TMEM37: variants seen among roughly 807,000 people sequenced by gnomAD.
The protein encoded by TMEM37 is transmembrane protein 37, also known as voltage-dependent calcium channel gamma-like subunit.
A neutral mutation model predicts 11.0 loss-of-function variants in TMEM37; 12 were observed. The observed-to-expected ratio is 1.09, with a 90% CI of 0.70 to 1.76. The LOEUF (loss-of-function observed/expected upper bound fraction) is 1.76. Ranked by LOEUF, TMEM37 falls within the 40% of genes most tolerant of loss-of-function variation. The probability of loss-of-function intolerance (pLI) is 0.00; values close to 1 mark genes in which losing one functional copy is unlikely to be tolerated. For synonymous variants in TMEM37, 127 were observed against 110.5 expected (o/e 1.15, Z -0.94); for missense variants, 203 against 251.2 (o/e 0.81, Z 1.30).
At chr2:119,431,381 G>C (rs1212828179), upstream of TMEM37, among the ~76,000 whole-genome samples, 4 of 152,168 alleles carry the variant, frequency 2.6e-5, no homozygotes, top group African/African-American at 4.8e-5. Context: ...CTTACTAACC[G>C]AGGCTCCGAG....
Position 119,437,466 on chromosome 2 carries a change from G to C in TMEM37, c.*26G>C, listed in dbSNP as rs1682525626. 1.3e-6 allele frequency: 2 copies of C among 1,592,832 alleles called. No individual in the cohort carries two copies. The highest frequency in any genetic ancestry group is 1.7e-6 in the Non-Finnish European group (2 of 1,169,548). On this transcript the variant is annotated 3_prime_UTR_variant, in exon 2 of 2. Transcript: ENST00000306406. ...CCGTGGAAATTTTAGGCCCCCTCCA[G>C]GGACATCAGATTCCACAAGAAAATA...
intron 1 of TMEM37, 110 bp from the exon 2 acceptor site, chr2:119,436,779 G>C (rs1682503578): frequency 1.1e-6 from 1 of 900,306 alleles, no homozygotes. Flanking sequence ...ACCAAGCAGA[G>C]AATAAGACAG....
upstream of TMEM37, among the ~76,000 whole-genome samples, chr2:119,430,716 C>T (rs1003725069): frequency 2.0e-5 from 3 of 152,178 alleles, no homozygotes; most frequent in African/African-American, 7.2e-5. Flanking sequence ...TAGTGAGGGG[C>T]CTTGTTTTAC....
rs187315814 is a variant in TMEM37 at position 119,436,946 on chromosome 2, C to T, written c.79C>T (p.Arg27Trp). ...CCGGTCCTTCTTTGAATCCTTCATCCGGACCCTCATCATCACGTGTGTGGC... is the reference window on the plus strand; with the variant it reads ...CCGGTCCTTCTTTGAATCCTTCATCTGGACCCTCATCATCACGTGTGTGGC... ...PRRSFFESFIRTLIITCVALA... is the reference protein window; with the variant it reads ...PRRSFFESFIWTLIITCVALA... The change falls in exon 2 of 2, where the codon CGG becomes TGG. Residue 27 changes from arginine to tryptophan, a missense_variant. Transcript: ENST00000306406. The T allele has an allele frequency of 1.4e-5, 23 of 1,614,202 alleles. No individual in the cohort carries two copies. Among genetic ancestry groups the T allele is most frequent in the South Asian group, 2.2e-5 (2 of 91,082 alleles).
intron 1 of TMEM37, among the ~76,000 whole-genome samples, chr2:119,434,379 C>T (rs72833255): frequency 0.018 from 2,667 of 152,152 alleles, 27 homozygotes; most frequent in South Asian, 0.054. Flanking sequence ...AGAAACTGCC[C>T]AAGGACAAAC....
At position 119,437,720 on chromosome 2, in the gene TMEM37, A is replaced by C; in HGVS notation, c.*280A>C. 6.6e-6 allele frequency: 3 copies of C among 456,070 alleles called. No homozygotes were observed. The highest frequency in any genetic ancestry group is 3.4e-5 in the South Asian group (1 of 29,708). The allele number at this position is 456,070 out of a possible 1,614,324, so 28.3% of individuals were successfully genotyped here. A position where few individuals can be genotyped will look rare whatever the true frequency, so the allele number is the denominator to read the frequency against. ...TAGAGGAAGAAAAAAACATTTTAAAACTCCTTCTTGAATTTTCTTCCCTGG... is the reference window on the plus strand; with the variant it reads ...TAGAGGAAGAAAAAAACATTTTAAACCTCCTTCTTGAATTTTCTTCCCTGG... On this transcript the variant is annotated 3_prime_UTR_variant, in exon 2 of 2. Coordinates refer to ENST00000306406, the MANE Select transcript of TMEM37 (RefSeq NM_183240.3).
At chr2:119,435,920 T>C (rs1682486585) in intron 1 of TMEM37, among the ~76,000 whole-genome samples, 1 of 152,056 alleles carries the variant, frequency 6.6e-6, no homozygotes, top group Non-Finnish European at 1.5e-5. Context: ...CACTACAGGC[T>C]TAAGGGCCAG....
chr2:119,430,186 A>T (rs1573760408), upstream of TMEM37: 1 of 642,484 alleles, frequency 1.6e-6, no homozygotes, highest in East Asian at 2.8e-5. Flanking sequence ...AAGGCCCCAG[A>T]GCAGAGAGGC....
At chr2:119,436,516 G>A (rs895689522) in intron 1 of TMEM37, among the ~76,000 whole-genome samples, 1 of 152,094 alleles carries the variant, frequency 6.6e-6, no homozygotes, top group Admixed American at 6.5e-5. Flanking sequence ...CTTGTTTTAT[G>A]TACAAAGAAA....
intron 1 of TMEM37, among the ~76,000 whole-genome samples, chr2:119,434,985 T>G (rs996815397): frequency 6.6e-6 from 1 of 152,198 alleles, no homozygotes; most frequent in Non-Finnish European, 1.5e-5. Flanking sequence ...GGATTCCACC[T>G]CCTGCATATC....
At chr2:119,430,059 C>T (rs1465893064), upstream of TMEM37, 14 of 1,218,482 alleles carry the variant, frequency 1.1e-5, no homozygotes, top group Admixed American at 1.2e-4. Context: ...AGGATACCCC[C>T]GCAACAGGAC....
In TMEM37 at chr2:119,437,024, G is replaced by A. The variant is rs140157408; in HGVS notation, c.157G>A (p.Ala53Thr). Residue 53 changes from alanine to threonine, a missense_variant, in exon 2 of 2, where the codon GCT (alanine) becomes ACT (threonine). Coordinates refer to ENST00000306406, the MANE Select transcript of TMEM37 (RefSeq NM_183240.3). ...CATTTGTGATGGGCACTGGCTCCTGGCTGAGGACCGCCTCTTCGGGCTCTG... is the reference window on the plus strand; with the variant it reads ...CATTTGTGATGGGCACTGGCTCCTGACTGAGGACCGCCTCTTCGGGCTCTG... ...VSICDGHWLL[A>T]EDRLFGLWHF... 6.2e-7 allele frequency: 1 copy of A among 1,614,146 alleles called. No homozygotes were observed. Among genetic ancestry groups the A allele is most frequent in the Non-Finnish European group, 8.5e-7 (1 of 1,180,064 alleles).
chr2:119,437,272 C>T lies in TMEM37; in HGVS notation c.405C>T (p.Phe135=), dbSNP rs1015191137. 9 of 1,614,244 alleles carry T rather than the reference C, an allele frequency of 5.6e-6. No individual in the cohort carries two copies. Among genetic ancestry groups the T allele is most frequent in the South Asian group, 3.3e-5 (3 of 91,082 alleles). The part of the protein sequence containing the change: ...VMGSILLLVS[F]VLSSGGLLGF... ...GTTCCATCCTCCTCCTGGTGTCTTT[C>T]GTCCTCTCCTCCGGCGGGCTCCTGG... The change falls in exon 2 of 2, where the codon TTC becomes TTT. Residue 135 remains phenylalanine (F), a synonymous_variant. Transcript: ENST00000306406.
At chr2:119,431,658 G>C (rs1033509135), upstream of TMEM37, among the ~76,000 whole-genome samples, 2 of 152,228 alleles carry the variant, frequency 1.3e-5, no homozygotes, top group Non-Finnish European at 2.9e-5. Flanking sequence ...CAAGTGCCGG[G>C]TCCTCCCCGC....
At chr2:119,430,064 C>G (rs371340679), upstream of TMEM37, 65 of 1,173,722 alleles carry the variant, frequency 5.5e-5, no homozygotes, top group East Asian at 1.3e-4. Flanking sequence ...ACCCCCGCAA[C>G]AGGACAGGTC....
rs72833259 is a variant in TMEM37, at chr2:119,437,104, C to G, written c.237C>G (p.Ala79=). 42,073 of 1,614,070 alleles carry G rather than the reference C, an allele frequency of 0.026. 742 individuals are homozygous for G. Among genetic ancestry groups the G allele is most frequent in the South Asian group, 0.065 (5,896 of 91,070 alleles). ...TCTGCTTCAGAGACCTGGGCCAGGC[C>G]CATGTGCCCGGGCTGGCCGTGGGCA... ...QTICFRDLGQ[A]HVPGLAVGMG... is the part of the protein sequence containing the mutation. Residue 79 remains alanine (A), a synonymous_variant, in exon 2 of 2, where the codon GCC becomes GCG. Coordinates refer to ENST00000306406, the MANE Select transcript of TMEM37 (RefSeq NM_183240.3).
rs748828113 is a variant in TMEM37, at chr2:119,436,927, C to T, written c.60C>T (p.Ser20=). Residue 20 remains serine, a synonymous_variant, in exon 2 of 2, where the codon TCC becomes TCT. Coordinates refer to ENST00000306406, the MANE Select transcript of TMEM37 (RefSeq NM_183240.3). ...RPLGQRQPRR[S]FFESFIRTLI... The stretch of plus-strand genomic sequence containing the variant: ...TGGGCCAAAGGCAGCCCCGCCGGTC[C>T]TTCTTTGAATCCTTCATCCGGACCC... 1 of 1,614,196 alleles carries T rather than the reference C, an allele frequency of 6.2e-7. No individual in the cohort carries two copies. The highest frequency in any genetic ancestry group is 2.2e-5 in the East Asian group (1 of 44,876).
chr2:119,429,896 C>T, upstream of TMEM37: 2 of 1,546,168 alleles, frequency 1.3e-6, no homozygotes, highest in Non-Finnish European at 1.7e-6. Context: ...TGCCTGACCA[C>T]ACACGAAACT....
chr2:119,429,988 G>A (rs1385788504), upstream of TMEM37: 4 of 1,550,192 alleles, frequency 2.6e-6, no homozygotes, highest in Non-Finnish European at 3.5e-6. Flanking sequence ...GGCCAGGTGA[G>A]ATGCTATGAT....
Sources: gnomAD v4.1 joint callset for allele counts (sites outside exome capture counted in the v4.1 genomes callset) on GRCh38, gnomAD v4.1.1 for gene constraint, MANE v1.5 for transcripts, NCBI Gene and HGNC (gene_info 2026-07-23, HGNC 2026-07-21) for gene names.